Variants in NOTCH2NLR observed in about 807,000 individuals in gnomAD.
NOTCH2NLR encodes notch 2 N-terminal like R (pseudogene).
Under a neutral mutation model 35.6 loss-of-function variants are expected in NOTCH2NLR, and 33 were observed. The ratio of observed to expected loss-of-function variants is 0.93; its 90% CI spans 0.70 to 1.24. NOTCH2NLR has a LOEUF of 1.24. Among genes scored for constraint, NOTCH2NLR ranks in the 50% most tolerant of loss-of-function variants. The probability of loss-of-function intolerance (pLI) is 0.00; values close to 1 mark genes in which losing one functional copy is unlikely to be tolerated. For synonymous variants in NOTCH2NLR, 103 were observed against 141.0 expected (o/e 0.73, Z 1.91); for missense variants, 276 against 362.2 (o/e 0.76, Z 1.93).
intron 1 of NOTCH2NLR, among the ~76,000 whole-genome samples, chr1:120,755,949 T>A (rs1293178539): frequency 9.2e-6 from 1 of 108,228 alleles, no homozygotes; most frequent in Non-Finnish European, 1.7e-5. Flanking sequence ...TTTTTTTTTT[T>A]TTTTTTCCTT....
chr1:120,783,798 T>C (rs1651392628), intron 2 of NOTCH2NLR, among the ~76,000 whole-genome samples: 1 of 113,848 alleles, frequency 8.8e-6, no homozygotes, highest in Non-Finnish European at 1.7e-5. Flanking sequence ...GACTAAGACT[T>C]CACTGGGTTT....
chr1:120,781,850 A>T (rs1259670803), intron 2 of NOTCH2NLR, among the ~76,000 whole-genome samples: 1 of 117,352 alleles, frequency 8.5e-6, no homozygotes, highest in East Asian at 2.1e-4. Context: ...GAGCCACCGC[A>T]CCTGGCTTAG....
rs1157664056 is a variant in NOTCH2NLR at position 120,738,691 on chromosome 1, TAGG to T, written c.73+14444_73+14446del. On this transcript the variant is annotated intron_variant, in intron 1 of 4. Coordinates refer to ENST00000624419, the Ensembl canonical transcript of NOTCH2NLR. ...TAATTCTGAATGAACATTTGCATAA[TAGG>T]AGAATGATCTAAATTGCAAACTTCC... 1.1e-4 allele frequency among the ~76,000 whole-genome samples: 8 copies of T among 73,184 alleles called. 2 individuals carry two copies. The highest frequency in any genetic ancestry group is 6.2e-4 in the African/African-American group (7 of 11,254). The allele number at this position is 73,184 out of a possible 152,430, so 48.0% of individuals were successfully genotyped here. A position where few individuals can be genotyped will look rare whatever the true frequency, so the allele number is the denominator to read the frequency against.
chr1:120,734,135 C>CT (rs1454009565), intron 1 of NOTCH2NLR, among the ~76,000 whole-genome samples: 1 of 3,472 alleles, frequency 2.9e-4, no homozygotes, highest in Non-Finnish European at 5.3e-4. Context: ...GAGTAGATTG[C>CT]TTTTTTTCCA....
exon 1 of NOTCH2NLR, chr1:120,724,028 C>A: frequency 3.2e-6 from 4 of 1,247,028 alleles, no homozygotes; most frequent in Non-Finnish European, 4.0e-6. Flanking sequence ...TGCACCTGGG[C>A]TTCGGAGCGT....
At chr1:120,733,128 T>G (rs1650881728) in intron 1 of NOTCH2NLR, among the ~76,000 whole-genome samples, 1 of 92,882 alleles carries the variant, frequency 1.1e-5, no homozygotes, top group South Asian at 2.9e-4. Flanking sequence ...TATATATATA[T>G]ATATGTTTAG....
Position 120,724,451 on chromosome 1 carries a change from G to T in NOTCH2NLR, c.73+201G>T, listed in dbSNP as rs1344359293. Among the ~76,000 whole-genome samples the T allele has an allele frequency of 2.5e-5, 3 of 121,016 alleles. 1 individual carries two copies. Among genetic ancestry groups the T allele is most frequent in the Non-Finnish European group, 4.9e-5 (3 of 61,534 alleles). The allele number at this position is 121,016 out of a possible 152,430, so 79.4% of individuals were successfully genotyped here. A position where few individuals can be genotyped will look rare whatever the true frequency, so the allele number is the denominator to read the frequency against. ...GCCCCGCCAACCGCTGGGGTTCCCCGCCGCCTCTGCTCCCCGCGGCCCGGG... is the reference window on the plus strand; with the variant it reads ...GCCCCGCCAACCGCTGGGGTTCCCCTCCGCCTCTGCTCCCCGCGGCCCGGG... On this transcript the variant is annotated intron_variant, in intron 1 of 4. Coordinates refer to ENST00000624419, the Ensembl canonical transcript of NOTCH2NLR.
At chr1:120,784,364 C>T (rs1468470559) in intron 2 of NOTCH2NLR, among the ~76,000 whole-genome samples, 1 of 116,046 alleles carries the variant, frequency 8.6e-6, no homozygotes, top group Non-Finnish European at 1.7e-5. Flanking sequence ...CTTAAAGGCC[C>T]CAATTGATCC....
exon 1 of NOTCH2NLR, chr1:120,724,099 C>T: frequency 7.5e-7 from 1 of 1,332,902 alleles, no homozygotes; most frequent in Non-Finnish European, 9.7e-7. Flanking sequence ...GCTCCTCTAT[C>T]GGGACCCCCT....
intron 3 of NOTCH2NLR, among the ~76,000 whole-genome samples, chr1:120,792,470 TAGGG>T (rs1651502322): frequency 1.0e-5 from 1 of 99,634 alleles, no homozygotes; most frequent in African/African-American, 6.4e-5. Flanking sequence ...GTTGCCAAGA[TAGGG>T]AGAGTTCACT....
rs1360889923 is a variant in NOTCH2NLR at position 120,781,625 on chromosome 1, G to A, written c.156-3349G>A. ...GTCGCCCAGGCTGGAGTGCAGTGGC[G>A]CGATCTTGGCTCACTGCAACCTCCA... On this transcript the variant is annotated intron_variant, in intron 2 of 4. Transcript: ENST00000624419. 1.8e-3 allele frequency among the ~76,000 whole-genome samples: 87 copies of A among 49,426 alleles called. 1 individual carries two copies. The highest frequency in any genetic ancestry group is 8.9e-3 in the South Asian group (18 of 2,018). The allele number at this position is 49,426 out of a possible 152,430, so 32.4% of individuals were successfully genotyped here. A position where few individuals can be genotyped will look rare whatever the true frequency, so the allele number is the denominator to read the frequency against.
chr1:120,727,490 A>G lies in NOTCH2NLR; in HGVS notation c.73+3240A>G, dbSNP rs1312247758. On this transcript the variant is annotated intron_variant, in intron 1 of 4. Coordinates refer to ENST00000624419, the Ensembl canonical transcript of NOTCH2NLR. ...AGTATGTCTGCATTGACCCTTTAGAAGGGCTTCATATATTTAGATGATATA... is the reference window on the plus strand; with the variant it reads ...AGTATGTCTGCATTGACCCTTTAGAGGGGCTTCATATATTTAGATGATATA... Among the ~76,000 whole-genome samples, 2 of 109,848 alleles carry G rather than the reference A, an allele frequency of 1.8e-5. 1 individual carries two copies. Among genetic ancestry groups the G allele is most frequent in the Non-Finnish European group, 3.4e-5 (2 of 58,494 alleles). 72.1% of individuals were successfully genotyped at this position (109,848 alleles called of 152,430 possible). A position where few individuals can be genotyped will look rare whatever the true frequency, so the allele number is the denominator to read the frequency against.
chr1:120,733,300 TATC>T (rs1414476431), intron 1 of NOTCH2NLR, among the ~76,000 whole-genome samples: 1 of 76,720 alleles, frequency 1.3e-5, no homozygotes, highest in Non-Finnish European at 2.2e-5. Context: ...TGTTTTTTCA[TATC>T]ATCAGTGGCG....
chr1:120,748,113 CTT>C (rs1186945714), intron 1 of NOTCH2NLR, among the ~76,000 whole-genome samples: 10 of 29,676 alleles, frequency 3.4e-4, no homozygotes, highest in African/African-American at 1.4e-3. Context: ...GTAAAGGCTC[CTT>C]TTTTTTTTTT....
chr1:120,791,817 T>C lies in NOTCH2NLR; in HGVS notation c.416-1344T>C, dbSNP rs1651496840. 2.5e-5 allele frequency among the ~76,000 whole-genome samples: 2 copies of C among 79,028 alleles called. 1 individual carries two copies. The highest frequency in any genetic ancestry group is 2.6e-4 in the Admixed American group (2 of 7,728). 51.8% of individuals were successfully genotyped at this position (79,028 alleles called of 152,430 possible). A position where few individuals can be genotyped will look rare whatever the true frequency, so the allele number is the denominator to read the frequency against. On this transcript the variant is annotated intron_variant, in intron 3 of 4. Coordinates refer to ENST00000624419, the Ensembl canonical transcript of NOTCH2NLR. Reference sequence around the variant, plus strand: ...ATAATAATAATAATAGTAATAAAAATTCAAGGAGTTCTCATCTCTGTAGTT... The same window carrying C: ...ATAATAATAATAATAGTAATAAAAACTCAAGGAGTTCTCATCTCTGTAGTT...
At chr1:120,765,264 T>C (rs1412543270) in intron 2 of NOTCH2NLR, among the ~76,000 whole-genome samples, 1 of 91,194 alleles carries the variant, frequency 1.1e-5, no homozygotes, top group Non-Finnish European at 2.1e-5. Context: ...CACTGAAATC[T>C]TGTTTAGTCT....
At position 120,770,598 on chromosome 1, in the gene NOTCH2NLR, G is replaced by A. The variant is rs1287748321; in HGVS notation, c.155+6889G>A. On this transcript the variant is annotated intron_variant, in intron 2 of 4. Coordinates refer to ENST00000624419, the Ensembl canonical transcript of NOTCH2NLR. ...ATTGCATATTAGGGTCTGTTCTCAAGTAGTTTAACATGTATTTACTTTAGT... is the reference window on the plus strand; with the variant it reads ...ATTGCATATTAGGGTCTGTTCTCAAATAGTTTAACATGTATTTACTTTAGT... 4.1e-5 allele frequency among the ~76,000 whole-genome samples: 5 copies of A among 120,698 alleles called. 1 individual carries two copies. The South Asian group carries it at 1.2e-3, about 29-fold the overall frequency. 79.2% of individuals were successfully genotyped at this position (120,698 alleles called of 152,430 possible).
In NOTCH2NLR at chr1:120,793,531, C is replaced by G; in HGVS notation, c.751+35C>G. The G allele has an allele frequency of 2.7e-6, 3 of 1,117,676 alleles. 1 individual carries two copies. Among genetic ancestry groups the G allele is most frequent in the Non-Finnish European group, 3.8e-6 (3 of 792,832 alleles). The allele number at this position is 1,117,676 out of a possible 1,614,324, so 69.2% of individuals were successfully genotyped here. A position where few individuals can be genotyped will look rare whatever the true frequency, so the allele number is the denominator to read the frequency against. On this transcript the variant is annotated intron_variant, in intron 4 of 4. Coordinates refer to ENST00000624419, the Ensembl canonical transcript of NOTCH2NLR. ...TCCCTAGTGTCCCAGGATTAGGGGA[C>G]AAACCCCTAGCACAGGAGGTAGTGG... is the stretch of plus-strand genomic sequence containing the variant.
At chr1:120,790,727 G>A (rs1278542211) in intron 3 of NOTCH2NLR, among the ~76,000 whole-genome samples, 1 of 111,104 alleles carries the variant, frequency 9.0e-6, no homozygotes, top group Non-Finnish European at 1.7e-5. Context: ...AGCCTCCCAG[G>A]TAGCTGGGAT....
Sources: gnomAD v4.1 joint callset for allele counts (sites outside exome capture counted in the v4.1 genomes callset) on GRCh38, gnomAD v4.1.1 for gene constraint, MANE v1.5 for transcripts, NCBI Gene and HGNC (gene_info 2026-07-23, HGNC 2026-07-21) for gene names.